ZNF385D: variants seen among roughly 807,000 people sequenced by gnomAD.
The protein encoded by ZNF385D is zinc finger protein 385D, also known as zinc finger protein 659.
A neutral mutation model predicts 35.8 loss-of-function variants in ZNF385D; 15 were observed. That is an observed-to-expected ratio of 0.42 (90% CI 0.28 to 0.64). ZNF385D has a LOEUF of 0.64. ZNF385D is among the 30% of genes least tolerant of loss of function. ZNF385D has a pLI of 0.23. For synonymous variants in ZNF385D, 212 were observed against 186.8 expected (o/e 1.13, Z -1.10); for missense variants, 474 against 494.6 (o/e 0.96, Z 0.39).
chr3:21,769,585 G>A (rs558616165), intron 3 of ZNF385D, among the ~76,000 whole-genome samples: 32 of 97,336 alleles, frequency 3.3e-4, no homozygotes, highest in African/African-American at 1.1e-3. Flanking sequence ...GGAAATAAAA[G>A]AGGATACAAA....
chr3:22,082,656 T>C (rs914028889), intron 3 of ZNF385D, among the ~76,000 whole-genome samples: 3 of 152,164 alleles, frequency 2.0e-5, no homozygotes, highest in Non-Finnish European at 4.4e-5. Context: ...CAGAAACGTC[T>C]GCAGACTTAA....
At chr3:21,947,493 G>C (rs957343649) in intron 3 of ZNF385D, among the ~76,000 whole-genome samples, 13 of 152,026 alleles carry the variant, frequency 8.6e-5, no homozygotes, top group African/African-American at 2.9e-4. Flanking sequence ...TGGGATTACA[G>C]GTGTGCACCA....
chr3:21,938,167 TGTA>T (rs1701350468), intron 3 of ZNF385D, among the ~76,000 whole-genome samples: 1 of 152,344 alleles, frequency 6.6e-6, no homozygotes, highest in South Asian at 2.1e-4. Context: ...GATTTGTAAA[TGTA>T]CCCATTTTAG....
intron 2 of ZNF385D, among the ~76,000 whole-genome samples, chr3:22,228,598 T>A (rs1698701591): frequency 6.6e-6 from 1 of 152,194 alleles, no homozygotes; most frequent in Admixed American, 6.5e-5. Context: ...ATCCTTGTCA[T>A]CTGTGATGGT....
At chr3:21,653,968 A>C (rs1224880436) in intron 2 of ZNF385D, among the ~76,000 whole-genome samples, 1 of 152,054 alleles carries the variant, frequency 6.6e-6, no homozygotes, top group African/African-American at 2.4e-5. Context: ...ACATATGTAC[A>C]GATGTTCTAA....
intron 2 of ZNF385D, among the ~76,000 whole-genome samples, chr3:22,280,824 G>A (rs1164077384): frequency 6.6e-6 from 1 of 151,988 alleles, no homozygotes. Context: ...ATTTTGATTG[G>A]AATTGTATTA....
At chr3:22,119,746 T>C (rs1305593167) in intron 3 of ZNF385D, among the ~76,000 whole-genome samples, 1 of 152,186 alleles carries the variant, frequency 6.6e-6, no homozygotes, top group Non-Finnish European at 1.5e-5. Flanking sequence ...TGTCACAGGA[T>C]TCCCTGGGAT....
At chr3:22,262,663 T>C (rs564607984) in intron 2 of ZNF385D, among the ~76,000 whole-genome samples, 12 of 152,062 alleles carry the variant, frequency 7.9e-5, no homozygotes, top group African/African-American at 2.9e-4. Context: ...AGCAAAAATA[T>C]TGGTTCACTC....
intron 2 of ZNF385D, among the ~76,000 whole-genome samples, chr3:21,607,704 A>G (rs1188501636): frequency 6.6e-6 from 1 of 152,138 alleles, no homozygotes; most frequent in Non-Finnish European, 1.5e-5. Flanking sequence ...ATCCTGGGGA[A>G]GCTTAGGCTG....
chr3:21,841,109 G>A (rs1158507092), intron 3 of ZNF385D, among the ~76,000 whole-genome samples: 1 of 151,978 alleles, frequency 6.6e-6, no homozygotes, highest in Non-Finnish European at 1.5e-5. Context: ...AATGAAGCAA[G>A]GACATTCAGA....
rs979398877 is a variant in ZNF385D, at chr3:22,089,375, G to A, written c.325+79442C>T. Among the ~76,000 whole-genome samples the A allele has an allele frequency of 2.0e-5, 3 of 152,300 alleles. No homozygotes were observed. In the South Asian group the frequency reaches 6.2e-4, roughly 32 times the overall value. ...TCATTATTCAGTAATAATGTTGGTA[G>A]ATATTAAGCTTTGTCAGTAGAGGGC... On this transcript the variant is annotated intron_variant, in intron 3 of 5. Coordinates refer to the ZNF385D transcript ENST00000494108.
chr3:22,205,610 C>T (rs11707485), intron 2 of ZNF385D, among the ~76,000 whole-genome samples: 1 of 151,812 alleles, frequency 6.6e-6, no homozygotes, highest in African/African-American at 2.4e-5. Flanking sequence ...GGGAATGAAG[C>T]TAAAATGTGG....
chr3:21,809,705 CATATATACAT>C (rs1302724807), intron 3 of ZNF385D, among the ~76,000 whole-genome samples: 2 of 150,154 alleles, frequency 1.3e-5, no homozygotes, highest in Non-Finnish European at 3.0e-5. Context: ...CATATATACA[CATATATACAT>C]ATATATACAC....
chr3:21,705,377 A>G (rs1010177097), intron 1 of ZNF385D, among the ~76,000 whole-genome samples: 1 of 152,182 alleles, frequency 6.6e-6, no homozygotes, highest in African/African-American at 2.4e-5. Flanking sequence ...AAGTTCTCCT[A>G]TATTTATATT....
chr3:21,820,789 A>G (rs2125733590), intron 3 of ZNF385D, among the ~76,000 whole-genome samples: 1 of 151,934 alleles, frequency 6.6e-6, no homozygotes, highest in Admixed American at 6.5e-5. Context: ...GAAAACCCCA[A>G]GAAGTCTGAG....
At chr3:21,721,860 G>C (rs1429719852) in intron 1 of ZNF385D, among the ~76,000 whole-genome samples, 2 of 152,150 alleles carry the variant, frequency 1.3e-5, no homozygotes, top group African/African-American at 4.8e-5. Context: ...AGCACTTTGG[G>C]AGGCCCAGGC....
chr3:21,425,038 A>C (rs928634576), intron 6 of ZNF385D, among the ~76,000 whole-genome samples: 7 of 152,310 alleles, frequency 4.6e-5, no homozygotes, highest in East Asian at 3.9e-4. Context: ...ATACAGAACA[A>C]CACCATATAA....
At chr3:21,996,321 G>T (rs998332192) in intron 3 of ZNF385D, among the ~76,000 whole-genome samples, 1 of 152,146 alleles carries the variant, frequency 6.6e-6, no homozygotes, top group South Asian at 2.1e-4. Context: ...CCTTTTCCCT[G>T]CAGTGGAGTT....
intron 2 of ZNF385D, among the ~76,000 whole-genome samples, chr3:22,248,593 C>T (rs898490598): frequency 2.6e-5 from 4 of 152,024 alleles, no homozygotes; most frequent in African/African-American, 9.7e-5. Context: ...GATTTTGATT[C>T]TGGTTTTGTT....
Sources: gnomAD v4.1 joint callset for allele counts (sites outside exome capture counted in the v4.1 genomes callset) on GRCh38, gnomAD v4.1.1 for gene constraint, MANE v1.5 for transcripts, NCBI Gene and HGNC (gene_info 2026-07-23, HGNC 2026-07-21) for gene names.